Variants in ATP11B observed in about 807,000 individuals in gnomAD.
The protein encoded by ATP11B is phospholipid-transporting ATPase IF.
A neutral mutation model predicts 157.8 loss-of-function variants in ATP11B; 81 were observed. The ratio of observed to expected loss-of-function variants is 0.51; its 90% CI spans 0.43 to 0.62. The LOEUF (loss-of-function observed/expected upper bound fraction) is 0.62, where lower values mean the gene tolerates loss of function less well. ATP11B is among the 20% of genes least tolerant of loss of function. ATP11B has a pLI of 0.00. For missense variants in ATP11B, 1,165 were observed against 1,402.2 expected, an observed-to-expected ratio of 0.83 and a Z score of 2.70; for synonymous variants, 451 against 469.4, an observed-to-expected ratio of 0.96 and a Z score of 0.51.
chr3:182,874,133 G>C, intron 19 of ATP11B, 118 bp downstream of exon 19: 1 of 820,124 alleles, frequency 1.2e-6, no homozygotes, highest in Non-Finnish European at 1.9e-6. Context: ...GCTAAAAGTA[G>C]TTTTTACATT....
chr3:182,840,188 C>A (rs187807936), intron 7 of ATP11B, among the ~76,000 whole-genome samples: 255 of 152,258 alleles, frequency 1.7e-3, no homozygotes, highest in Non-Finnish European at 2.7e-3. Flanking sequence ...TTGAATAGTT[C>A]ATTGCTTTCT....
intron 7 of ATP11B, among the ~76,000 whole-genome samples, chr3:182,840,109 TTGTTTTGC>T (rs759191360): frequency 3.3e-5 from 5 of 152,204 alleles, no homozygotes; most frequent in African/African-American, 4.8e-5. Context: ...ACTCCTTTCG[TTGTTTTGC>T]TGTTTCAAAT....
chr3:182,799,563 C>T (rs1401784841), intron 1 of ATP11B, among the ~76,000 whole-genome samples: 1 of 152,126 alleles, frequency 6.6e-6, no homozygotes, highest in Non-Finnish European at 1.5e-5. Context: ...GCGTCAGCCA[C>T]CATGCCCGGC....
intron 2 of ATP11B, 73 bp downstream of exon 2, chr3:182,820,449 C>T (rs1349787151): frequency 2.0e-6 from 2 of 1,022,670 alleles, no homozygotes; most frequent in East Asian, 4.8e-5. Context: ...TTTGGGAGGC[C>T]AAGGCGAGAG....
intron 23 of ATP11B, among the ~76,000 whole-genome samples, chr3:182,886,345 G>A (rs950797139): frequency 6.6e-6 from 1 of 152,118 alleles, no homozygotes; most frequent in African/African-American, 2.4e-5. Flanking sequence ...TAACTTGGAG[G>A]TTCACCTCAT....
chr3:182,917,306 A>G (rs367569012), intron 29 of ATP11B: 69 of 985,352 alleles, frequency 7.0e-5, no homozygotes, highest in African/African-American at 4.7e-4. Context: ...AGGTTAGTCT[A>G]TTTTAAGCAT....
intron 12 of ATP11B, among the ~76,000 whole-genome samples, chr3:182,862,398 T>C (rs892032555): frequency 6.6e-6 from 1 of 152,212 alleles, no homozygotes; most frequent in Non-Finnish European, 1.5e-5. Flanking sequence ...TTCTGCTGCT[T>C]ATGGCTGCTA....
chr3:182,878,390 T>C (rs1722193213), intron 19 of ATP11B, among the ~76,000 whole-genome samples: 2 of 152,224 alleles, frequency 1.3e-5, no homozygotes, highest in Non-Finnish European at 2.9e-5. Flanking sequence ...TTTCTTGTGG[T>C]GTATATAGCA....
chr3:182,907,650 T>G (rs1363550953), intron 28 of ATP11B, among the ~76,000 whole-genome samples: 1 of 152,222 alleles, frequency 6.6e-6, no homozygotes, highest in African/African-American at 2.4e-5. Flanking sequence ...AGGCTCTGAT[T>G]GAGCGCCAAA....
chr3:182,873,396 C>T (rs761604583), intron 18 of ATP11B, among the ~76,000 whole-genome samples: 1 of 152,028 alleles, frequency 6.6e-6, no homozygotes, highest in Non-Finnish European at 1.5e-5. Flanking sequence ...GTTAGCTAGA[C>T]CTTTATTTTC....
At chr3:182,889,307 T>G (rs1225748275) in intron 24 of ATP11B, 103 bp from the exon 25 acceptor site, 5 of 853,434 alleles carry the variant, frequency 5.9e-6, no homozygotes, top group Non-Finnish European at 8.4e-6. Flanking sequence ...CAATTTTAAA[T>G]TAAAAATCTA....
At chr3:182,901,151 C>T (rs1307744393) in intron 28 of ATP11B, among the ~76,000 whole-genome samples, 1 of 151,624 alleles carries the variant, frequency 6.6e-6, no homozygotes, top group South Asian at 2.1e-4. Context: ...CCAGCCTGGG[C>T]GACAGAGCGA....
chr3:182,814,213 A>G (rs1481561232), intron 1 of ATP11B, among the ~76,000 whole-genome samples: 5 of 151,832 alleles, frequency 3.3e-5, no homozygotes, highest in Admixed American at 1.3e-4. Context: ...ACAGGCACGC[A>G]CCACCACACC....
intron 1 of ATP11B, among the ~76,000 whole-genome samples, chr3:182,808,996 T>C (rs1716493229): frequency 1.3e-5 from 2 of 152,024 alleles, no homozygotes; most frequent in Non-Finnish European, 2.9e-5. Flanking sequence ...TGCTTTCTTT[T>C]TTATTAATAT....
At chr3:182,851,664 A>G (rs1418170554) in intron 10 of ATP11B, among the ~76,000 whole-genome samples, 1 of 152,232 alleles carries the variant, frequency 6.6e-6, no homozygotes, top group African/African-American at 2.4e-5. Flanking sequence ...GCAAAGATTT[A>G]TAGCTAATAA....
At chr3:182,884,498 A>AT (rs1421777310) in intron 21 of ATP11B, among the ~76,000 whole-genome samples, 3 of 152,038 alleles carry the variant, frequency 2.0e-5, no homozygotes, top group Non-Finnish European at 4.4e-5. Context: ...TTTCAATATT[A>AT]TTTTTTATAT....
intron 21 of ATP11B, among the ~76,000 whole-genome samples, chr3:182,881,803 C>T (rs1323535249): frequency 2.0e-5 from 3 of 152,030 alleles, no homozygotes; most frequent in Non-Finnish European, 4.4e-5. Flanking sequence ...AGAATCTTAC[C>T]GTTACTCAGT....
At chr3:182,875,313 T>C (rs1341203377) in intron 19 of ATP11B, among the ~76,000 whole-genome samples, 1 of 152,230 alleles carries the variant, frequency 6.6e-6, no homozygotes, top group Non-Finnish European at 1.5e-5. Flanking sequence ...TTCAGTGTTT[T>C]CTATTTATAT....
intron 27 of ATP11B, among the ~76,000 whole-genome samples, 166 bp from the exon 28 acceptor site, chr3:182,898,437 CAATT>C (rs1399634784): frequency 1.3e-5 from 2 of 152,038 alleles, no homozygotes; most frequent in Admixed American, 6.5e-5. Flanking sequence ...TTATTTTTAA[CAATT>C]AAAGCTTATC....
Sources: allele counts gnomAD v4.1 joint callset (sites outside exome capture counted in the v4.1 genomes callset), GRCh38; gene constraint gnomAD v4.1.1; transcripts MANE v1.5; gene names NCBI Gene and HGNC (gene_info 2026-07-23, HGNC 2026-07-21).